Variants in MTA3 observed in about 807,000 individuals in gnomAD.
MTA3 encodes the protein metastasis-associated protein MTA3.
In MTA3, 34 loss-of-function variants were observed where a neutral mutation model predicts 83.5. That is an observed-to-expected ratio of 0.41 (90% CI 0.31 to 0.54). MTA3 has a LOEUF of 0.54. Ranked by LOEUF, MTA3 falls within the 20% of genes least tolerant of loss-of-function variation. The pLI, the probability that MTA3 is intolerant of heterozygous loss-of-function variation, is 0.33. For synonymous variants in MTA3, 303 were observed against 252.7 expected (o/e 1.20, Z -1.89); for missense variants, 761 against 726.4 (o/e 1.05, Z -0.55).
intron 14 of MTA3, among the ~76,000 whole-genome samples, chr2:42,710,507 C>T (rs942249603): frequency 2.2e-5 from 3 of 137,510 alleles, no homozygotes; most frequent in East Asian, 4.5e-4. Flanking sequence ...GCTGAGATTG[C>T]GCCATTGCGC....
At chr2:42,559,822 G>A (rs1361370039) in intron 2 of MTA3, among the ~76,000 whole-genome samples, 1 of 148,380 alleles carries the variant, frequency 6.7e-6, no homozygotes, top group Non-Finnish European at 1.5e-5. Context: ...CGGGCAGGGG[G>A]GTGCGGTGGA....
At chr2:42,528,725 T>C (rs916181984) in intron 2 of MTA3, among the ~76,000 whole-genome samples, 2 of 152,228 alleles carry the variant, frequency 1.3e-5, no homozygotes, top group Non-Finnish European at 2.9e-5. Flanking sequence ...TCAGTTTTGT[T>C]TGTTCATTTT....
At chr2:42,496,242 C>T (rs1674125313) in intron 2 of MTA3, among the ~76,000 whole-genome samples, 1 of 152,180 alleles carries the variant, frequency 6.6e-6, no homozygotes, top group Admixed American at 6.5e-5. Context: ...TATTTTCATG[C>T]GATTTCTTAG....
chr2:42,637,986 A>G lies in MTA3; in HGVS notation c.318-2187A>G, dbSNP rs1413947085. Among the ~76,000 whole-genome samples, 3 of 152,172 alleles carry G rather than the reference A, an allele frequency of 2.0e-5. No homozygotes were observed. In the South Asian group the frequency reaches 6.2e-4, roughly 32 times the overall value. ...GGCTGGGCATAGTGCAGTAGTGTTTATAACCAGTTACAGATTTCTTTTTTT... is the reference window on the plus strand; with the variant it reads ...GGCTGGGCATAGTGCAGTAGTGTTTGTAACCAGTTACAGATTTCTTTTTTT... On this transcript the variant is annotated intron_variant, in intron 4 of 16. Coordinates refer to ENST00000405094, the MANE Select transcript of MTA3 (RefSeq NM_001330442.2).
chr2:42,693,100 C>G (rs911988220), intron 9 of MTA3, among the ~76,000 whole-genome samples: 2 of 151,434 alleles, frequency 1.3e-5, no homozygotes, highest in East Asian at 1.9e-4. Context: ...CTCCCTCTCC[C>G]TCTTCCCCTC....
intron 11 of MTA3, among the ~76,000 whole-genome samples, chr2:42,700,053 C>T (rs925205423): frequency 6.6e-6 from 1 of 151,886 alleles, no homozygotes; most frequent in African/African-American, 2.4e-5. Flanking sequence ...AGAGATTTAA[C>T]AGTGTTGGAT....
chr2:42,610,691 C>G (rs1053448069), intron 4 of MTA3, among the ~76,000 whole-genome samples: 3 of 152,092 alleles, frequency 2.0e-5, no homozygotes, highest in Admixed American at 6.6e-5. Flanking sequence ...TCAAAAGATT[C>G]TTACCCTCGG....
At chr2:42,721,663 G>T (rs1667419413) in intron 15 of MTA3, among the ~76,000 whole-genome samples, 1 of 152,132 alleles carries the variant, frequency 6.6e-6, no homozygotes, top group African/African-American at 2.4e-5. Flanking sequence ...CGTTAGGGCA[G>T]CCTACCTGAA....
At chr2:42,596,909 A>G (rs892246173) in intron 3 of MTA3, among the ~76,000 whole-genome samples, 2 of 151,806 alleles carry the variant, frequency 1.3e-5, no homozygotes, top group Admixed American at 1.3e-4. Context: ...TCCACAAGTT[A>G]TCTTTTTTTT....
chr2:42,689,628 C>T (rs570389104), intron 9 of MTA3, among the ~76,000 whole-genome samples: 71 of 152,022 alleles, frequency 4.7e-4, no homozygotes, highest in African/African-American at 1.5e-3. Context: ...AAGGATTTGT[C>T]CCTTTTATCT....
At chr2:42,601,523 T>C (rs912840785) in intron 3 of MTA3, among the ~76,000 whole-genome samples, 1 of 152,246 alleles carries the variant, frequency 6.6e-6, no homozygotes, top group African/African-American at 2.4e-5. Flanking sequence ...AGTGACCCTC[T>C]CGCTGGTGCG....
chr2:42,503,615 G>T (rs1386700994), intron 2 of MTA3, among the ~76,000 whole-genome samples: 1 of 152,174 alleles, frequency 6.6e-6, no homozygotes, highest in East Asian at 1.9e-4. Context: ...CTAGCTAGGT[G>T]CCTGGAATTT....
chr2:42,571,882 G>A (rs1678526034), intron 2 of MTA3, among the ~76,000 whole-genome samples: 1 of 151,976 alleles, frequency 6.6e-6, no homozygotes. Context: ...GGGAGGCATA[G>A]GTGGCAGTGA....
At chr2:42,523,432 A>T (rs898859736) in intron 2 of MTA3, among the ~76,000 whole-genome samples, 2 of 152,110 alleles carry the variant, frequency 1.3e-5, no homozygotes, top group Admixed American at 1.3e-4. Flanking sequence ...CTGGAGCCTG[A>T]ATAAGGCAAC....
At chr2:42,630,336 G>A (rs1472462085) in intron 4 of MTA3, among the ~76,000 whole-genome samples, 1 of 152,094 alleles carries the variant, frequency 6.6e-6, no homozygotes, top group Middle Eastern at 3.2e-3. Flanking sequence ...TCAGTGGAGG[G>A]GGATTTGTAA....
intron 2 of MTA3, among the ~76,000 whole-genome samples, chr2:42,502,654 C>T (rs185862272): frequency 6.6e-5 from 10 of 151,882 alleles, no homozygotes; most frequent in East Asian, 3.9e-4. Flanking sequence ...CAAAATTAGC[C>T]GGTGTAGTGG....
At chr2:42,692,741 C>A (rs1488879112) in intron 9 of MTA3, among the ~76,000 whole-genome samples, 1 of 152,184 alleles carries the variant, frequency 6.6e-6, no homozygotes, top group South Asian at 2.1e-4. Flanking sequence ...ATTTTGAATT[C>A]TCTGTCTGAA....
chr2:42,584,289 T>C (rs1680012531), intron 3 of MTA3, among the ~76,000 whole-genome samples: 1 of 152,186 alleles, frequency 6.6e-6, no homozygotes, highest in Admixed American at 6.6e-5. Flanking sequence ...AGACCTCTAC[T>C]CGCTAGCCCA....
intron 9 of MTA3, among the ~76,000 whole-genome samples, chr2:42,692,659 T>C (rs1355064129): frequency 1.3e-5 from 2 of 152,206 alleles, no homozygotes; most frequent in African/African-American, 4.8e-5. Context: ...ACTCCTGGCC[T>C]TACGTGATCC....
Sources: allele counts gnomAD v4.1 joint callset (sites outside exome capture counted in the v4.1 genomes callset), GRCh38; gene constraint gnomAD v4.1.1; transcripts MANE v1.5; gene names NCBI Gene and HGNC (gene_info 2026-07-23, HGNC 2026-07-21).